UBA6: variants seen among roughly 807,000 people sequenced by gnomAD.
The protein encoded by UBA6 is ubiquitin like modifier activating enzyme 6, also known as ubiquitin-like modifier-activating enzyme 6.
A neutral mutation model predicts 148.3 loss-of-function variants in UBA6; 87 were observed. The ratio of observed to expected loss-of-function variants is 0.59; its 90% CI spans 0.49 to 0.70. The LOEUF (loss-of-function observed/expected upper bound fraction) is 0.70. Ranked by LOEUF, UBA6 falls within the 30% of genes least tolerant of loss-of-function variation. The pLI, the probability that UBA6 is intolerant of heterozygous loss-of-function variation, is 0.00. For missense variants in UBA6, 1,186 were observed against 1,241.2 expected, an observed-to-expected ratio of 0.96 and a Z score of 0.67; for synonymous variants, 376 against 401.0, an observed-to-expected ratio of 0.94 and a Z score of 0.75.
intron 1 of UBA6, 143 bp downstream of exon 1, chr4:67,700,906 G>A: frequency 2.1e-6 from 2 of 936,046 alleles, no homozygotes; most frequent in Non-Finnish European, 3.2e-6. Context: ...CCCACTCCGC[G>A]CGCGCCCCTC....
intron 17 of UBA6, among the ~76,000 whole-genome samples, chr4:67,641,773 T>C (rs993216211): frequency 1.3e-5 from 2 of 151,966 alleles, no homozygotes; most frequent in African/African-American, 2.4e-5. Flanking sequence ...TTCATGATCC[T>C]AGGGGCAGAA....
At position 67,626,623 on chromosome 4, in the gene UBA6, T is replaced by C. The variant is rs994272704; in HGVS notation, c.2401-146A>G. The C allele has an allele frequency of 1.2e-5, 7 of 592,542 alleles. No homozygotes were observed. The Admixed American group carries it at 1.9e-4, about 16-fold the overall frequency. 36.7% of individuals were successfully genotyped at this position (592,542 alleles called of 1,614,324 possible). A position where few individuals can be genotyped will look rare whatever the true frequency, so the allele number is the denominator to read the frequency against. On this transcript the variant is annotated intron_variant, in intron 27 of 32. Transcript: ENST00000322244. Reference sequence around the variant, plus strand: ...TATTAATCATTGGTCCAATGTATTTTATACGTTCCTTTAGAAGGTATTATT... The same window carrying C: ...TATTAATCATTGGTCCAATGTATTTCATACGTTCCTTTAGAAGGTATTATT...
chr4:67,697,249 C>G (rs1262004214), intron 1 of UBA6, among the ~76,000 whole-genome samples: 1 of 152,230 alleles, frequency 6.6e-6, no homozygotes, highest in Non-Finnish European at 1.5e-5. Context: ...AAGAGATCCA[C>G]CCGCCTCAGC....
At chr4:67,676,162 T>TA (rs900460041) in intron 6 of UBA6, among the ~76,000 whole-genome samples, 1 of 151,944 alleles carries the variant, frequency 6.6e-6, no homozygotes, top group African/African-American at 2.4e-5. Context: ...TAGCTGGGAT[T>TA]ACAGGCATGC....
At position 67,677,662 on chromosome 4, in the gene UBA6, A is replaced by T; in HGVS notation, c.414T>A (p.Ser138=). The change falls in exon 6 of 33, where the codon TCT becomes TCA. Residue 138 remains serine, a synonymous_variant. Transcript: ENST00000322244. ...ELNPYVHVTS[S]SVPFNETTDL... Reference sequence around the variant, plus strand: ...CTGTGGTCTCATTGAAAGGAACAGAAGATGATGTGACATGAACGTATGGAT... The same window carrying T: ...CTGTGGTCTCATTGAAAGGAACAGATGATGATGTGACATGAACGTATGGAT... 1 of 1,608,476 alleles carries T rather than the reference A, an allele frequency of 6.2e-7. No individual in the cohort carries two copies. Among genetic ancestry groups the T allele is most frequent in the Middle Eastern group, 1.7e-4 (1 of 6,036 alleles).
intron 2 of UBA6, 115 bp from the exon 3 acceptor site, chr4:67,682,328 T>A: frequency 1.4e-6 from 1 of 706,602 alleles, no homozygotes; most frequent in Non-Finnish European, 2.4e-6. Context: ...AGACTTGTTA[T>A]GAATGATTTG....
intron 6 of UBA6, among the ~76,000 whole-genome samples, chr4:67,675,022 A>T (rs1470846305): frequency 6.6e-6 from 1 of 152,172 alleles, no homozygotes; most frequent in Non-Finnish European, 1.5e-5. Flanking sequence ...GGCACATGCC[A>T]CCATGCCCAG....
chr4:67,648,966 G>A, intron 14 of UBA6, 102 bp downstream of exon 14: 1 of 1,248,760 alleles, frequency 8.0e-7, no homozygotes, highest in East Asian at 2.5e-5. Flanking sequence ...GCATCAAAAA[G>A]TATTTTAAGG....
intron 2 of UBA6, among the ~76,000 whole-genome samples, chr4:67,684,809 G>C (rs1164541940): frequency 6.6e-6 from 1 of 152,046 alleles, no homozygotes; most frequent in Non-Finnish European, 1.5e-5. Flanking sequence ...ACTGTGCCTG[G>C]CATGTAATAA....
intron 4 of UBA6, among the ~76,000 whole-genome samples, chr4:67,680,234 C>T (rs1730400013): frequency 6.6e-6 from 1 of 152,094 alleles, no homozygotes. Context: ...GATAAAACAT[C>T]ATCACTGCCC....
At position 67,662,243 on chromosome 4, in the gene UBA6, A is replaced by T. The variant is rs771360729; in HGVS notation, c.1050T>A (p.Asp350Glu). 1.2e-6 allele frequency: 2 copies of T among 1,613,408 alleles called. No homozygotes were observed. Among genetic ancestry groups the T allele is most frequent in the Non-Finnish European group, 1.7e-6 (2 of 1,179,768 alleles). The change falls in exon 13 of 33, where the codon GAT (aspartate) becomes GAA (glutamate). Residue 350 changes from aspartate (D) to glutamate (E), a missense_variant. By Grantham distance (45) the Asp-to-Glu change is conservative (BLOSUM62 2). Transcript: ENST00000322244. ...SRKPNVGCQQ[D>E]SEELLKLATS... Reference sequence around the variant, plus strand: ...TTGCTAGTTTCAACAGTTCTTCTGAATCTTGTTGGCATCTACAACTCAAAA... The same window carrying T: ...TTGCTAGTTTCAACAGTTCTTCTGATTCTTGTTGGCATCTACAACTCAAAA...
intron 26 of UBA6, among the ~76,000 whole-genome samples, chr4:67,629,346 A>G (rs1728944986): frequency 6.6e-6 from 1 of 151,900 alleles, no homozygotes; most frequent in Non-Finnish European, 1.5e-5. Flanking sequence ...GGTAAGGGGT[A>G]AAAAAGTACT....
chr4:67,677,668 T>C lies in UBA6; in HGVS notation c.408A>G (p.Thr136=), dbSNP rs758675494. 3.7e-6 allele frequency: 6 copies of C among 1,608,948 alleles called. No individual in the cohort carries two copies. Among genetic ancestry groups the C allele is most frequent in the South Asian group, 2.2e-5 (2 of 90,718 alleles). ...IAELNPYVHV[T]SSSVPFNETT... ...TCTCATTGAAAGGAACAGAAGATGA[T>C]GTGACATGAACGTATGGATTTAGTT... The change falls in exon 6 of 33, where the codon ACA becomes ACG. Residue 136 remains threonine (T), a synonymous_variant. Coordinates refer to ENST00000322244, the MANE Select transcript of UBA6 (RefSeq NM_018227.6).
intron 4 of UBA6, 145 bp downstream of exon 4, chr4:67,681,418 T>C (rs1342653700): frequency 5.6e-6 from 3 of 539,686 alleles, no homozygotes; most frequent in Admixed American, 4.4e-5. Context: ...TCTTTCTTTG[T>C]ATATTTTTTA....
At position 67,630,463 on chromosome 4, in the gene UBA6, T is replaced by C. The variant is rs1182049609; in HGVS notation, c.2328+3A>G. ...ACTTGCTAAGGCTTAAAGAATATCTTACCTCTTCTGCAAATGGAATACAAT... is the reference window on the plus strand; with the variant it reads ...ACTTGCTAAGGCTTAAAGAATATCTCACCTCTTCTGCAAATGGAATACAAT... On this transcript the variant is annotated splice_donor_region_variant and intron_variant, in intron 26 of 32. Transcript: ENST00000322244. The C allele has an allele frequency of 1.9e-6, 3 of 1,581,348 alleles. No homozygotes were observed. The highest frequency in any genetic ancestry group is 2.6e-6 in the Non-Finnish European group (3 of 1,161,656).
chr4:67,699,614 T>A (rs1730923927), intron 1 of UBA6, among the ~76,000 whole-genome samples: 1 of 152,192 alleles, frequency 6.6e-6, no homozygotes, highest in Non-Finnish European at 1.5e-5. Flanking sequence ...CTTTTCTTTT[T>A]TTTTGAGACA....
At chr4:67,684,228 C>T (rs1157079922) in intron 2 of UBA6, among the ~76,000 whole-genome samples, 1 of 152,126 alleles carries the variant, frequency 6.6e-6, no homozygotes, top group Admixed American at 6.5e-5. Context: ...CAGGGCTGGC[C>T]CTTGGTTGGC....
At chr4:67,630,734 TCAAA>T (rs1728978611) in intron 25 of UBA6, among the ~76,000 whole-genome samples, 199 bp from the exon 26 acceptor site, 1 of 151,906 alleles carries the variant, frequency 6.6e-6, no homozygotes, top group Admixed American at 6.6e-5. Context: ...AGACAAAACA[TCAAA>T]CAGTTATTCT....
intron 1 of UBA6, 41 bp from the exon 2 acceptor site, chr4:67,696,748 A>T (rs1335336234): frequency 4.6e-6 from 7 of 1,512,134 alleles, no homozygotes; most frequent in Non-Finnish European, 5.5e-6. Context: ...CACATTTTAT[A>T]ATGTAATATT....
Sources: gnomAD v4.1 joint callset for allele counts (sites outside exome capture counted in the v4.1 genomes callset) on GRCh38, gnomAD v4.1.1 for gene constraint, MANE v1.5 for transcripts, NCBI Gene and HGNC (gene_info 2026-07-23, HGNC 2026-07-21) for gene names.